The following STARD3NL variants were observed in gnomAD, a reference collection of about 807,000 sequenced individuals.
STARD3NL encodes the protein STARD3 N-terminal like, also known as STARD3 N-terminal-like protein.
In STARD3NL, 17 loss-of-function variants were observed where a neutral mutation model predicts 30.9. The ratio of observed to expected loss-of-function variants is 0.55; its 90% CI spans 0.38 to 0.82. The LOEUF is 0.82. Among genes scored for constraint, STARD3NL ranks in the 40% least tolerant of loss-of-function variants. STARD3NL has a pLI of 0.00. For synonymous variants in STARD3NL, 112 were observed against 100.5 expected (o/e 1.11, Z -0.69); for missense variants, 234 against 277.6 (o/e 0.84, Z 1.12).
chr7:38,224,770 A>G (rs928614708), intron 7 of STARD3NL, among the ~76,000 whole-genome samples: 3 of 152,238 alleles, frequency 2.0e-5, no homozygotes, highest in Admixed American at 6.5e-5. Flanking sequence ...ATATATGCCA[A>G]AGAGAAACCA....
intron 7 of STARD3NL, among the ~76,000 whole-genome samples, chr7:38,221,286 CACTCATTT>C (rs1305171281): frequency 1.3e-5 from 2 of 152,138 alleles, no homozygotes; most frequent in African/African-American, 4.8e-5. Flanking sequence ...TATTAATATT[CACTCATTT>C]ACTCCTCCCT....
At chr7:38,192,528 G>A (rs889066783) in intron 1 of STARD3NL, among the ~76,000 whole-genome samples, 2 of 152,116 alleles carry the variant, frequency 1.3e-5, no homozygotes, top group Admixed American at 1.3e-4. Context: ...TGCAAGCAGA[G>A]GTTTGTGAGA....
At chr7:38,180,259 G>T (rs1463304744) in intron 1 of STARD3NL, among the ~76,000 whole-genome samples, 1 of 152,194 alleles carries the variant, frequency 6.6e-6, no homozygotes, top group Non-Finnish European at 1.5e-5. Context: ...CACCTTATCC[G>T]ATGTAGTTTG....
chr7:38,215,194 GT>G, intron 4 of STARD3NL, 89 bp downstream of exon 4: 3 of 1,259,552 alleles, frequency 2.4e-6, no homozygotes, highest in Admixed American at 1.9e-5. Flanking sequence ...AGAAGATACA[GT>G]TCTAATGCAG....
chr7:38,185,838 A>G (rs1784436845), intron 1 of STARD3NL, among the ~76,000 whole-genome samples: 1 of 152,210 alleles, frequency 6.6e-6, no homozygotes, highest in East Asian at 1.9e-4. Flanking sequence ...AAGGATAGTT[A>G]CTAAAAGAAG....
At chr7:38,189,698 A>G (rs981332388) in intron 1 of STARD3NL, among the ~76,000 whole-genome samples, 4 of 152,242 alleles carry the variant, frequency 2.6e-5, no homozygotes, top group Non-Finnish European at 4.4e-5. Context: ...TGCAAATAGA[A>G]TGACTTCTAT....
At chr7:38,218,146 C>T (rs1036173052) in intron 6 of STARD3NL, among the ~76,000 whole-genome samples, 2 of 152,192 alleles carry the variant, frequency 1.3e-5, no homozygotes, top group Non-Finnish European at 2.9e-5. Context: ...AAGCTCATTT[C>T]AGACACCCAT....
intron 1 of STARD3NL, among the ~76,000 whole-genome samples, chr7:38,184,063 T>C (rs138932671): frequency 2.8e-4 from 43 of 152,298 alleles, no homozygotes; most frequent in Admixed American, 2.0e-3. Flanking sequence ...GTTTTCAGTA[T>C]AGTACTGAGA....
intron 2 of STARD3NL, 62 bp from the exon 3 acceptor site, chr7:38,214,295 T>C (rs1785975855): frequency 9.3e-7 from 1 of 1,080,958 alleles, no homozygotes; most frequent in African/African-American, 1.6e-5. Flanking sequence ...TAGGAAATCT[T>C]ACCTTGTTTT....
At chr7:38,191,870 C>T (rs1039381972) in intron 1 of STARD3NL, among the ~76,000 whole-genome samples, 24 of 151,216 alleles carry the variant, frequency 1.6e-4, no homozygotes, top group African/African-American at 5.4e-4. Context: ...TATTTCTTTG[C>T]ATTTTGTATA....
intron 1 of STARD3NL, among the ~76,000 whole-genome samples, chr7:38,188,357 T>C (rs1442243941): frequency 6.6e-6 from 1 of 152,158 alleles, no homozygotes; most frequent in Non-Finnish European, 1.5e-5. Flanking sequence ...GCAGTACCCT[T>C]CCTCCTTGTA....
intron 2 of STARD3NL, among the ~76,000 whole-genome samples, chr7:38,212,191 A>C (rs924271679): frequency 6.6e-6 from 1 of 152,112 alleles, no homozygotes; most frequent in Non-Finnish European, 1.5e-5. Context: ...ATAAAATCCA[A>C]ATGTCGTACT....
chr7:38,216,872 A>T, intron 4 of STARD3NL, 153 bp from the exon 5 acceptor site: 1 of 794,900 alleles, frequency 1.3e-6, no homozygotes, highest in East Asian at 2.6e-5. Flanking sequence ...GGTCTAGGGG[A>T]GAGAGACTGA....
At position 38,217,097 on chromosome 7, in the gene STARD3NL, TC is replaced by T. The variant is rs1465342133; in HGVS notation, c.435+20del. 2 of 1,613,978 alleles carry T rather than the reference TC, an allele frequency of 1.2e-6. No homozygotes were observed. Among genetic ancestry groups the T allele is most frequent in the Non-Finnish European group, 1.7e-6 (2 of 1,179,970 alleles). ...TTCGAAGGTATGGCCTACCACTTTT[TC>T]TATACAGTTACCATCTTCAGTGATG... On this transcript the variant is annotated intron_variant, in intron 5 of 8. Transcript: ENST00000009041.
At chr7:38,218,930 C>G (rs1786286642) in intron 6 of STARD3NL, among the ~76,000 whole-genome samples, 1 of 152,208 alleles carries the variant, frequency 6.6e-6, no homozygotes, top group African/African-American at 2.4e-5. Context: ...TCTGGCATCT[C>G]TCTAACCAGA....
intron 6 of STARD3NL, among the ~76,000 whole-genome samples, chr7:38,218,490 A>G (rs920124908): frequency 1.3e-5 from 2 of 152,238 alleles, no homozygotes; most frequent in African/African-American, 4.8e-5. Context: ...TTAATTGTAT[A>G]TAAATATAAA....
intron 6 of STARD3NL, 86 bp downstream of exon 6, chr7:38,217,391 C>A: frequency 7.9e-7 from 1 of 1,267,532 alleles, no homozygotes; most frequent in Admixed American, 1.8e-5. Context: ...GTGAATGGGG[C>A]TGCAAATGGG....
intron 7 of STARD3NL, among the ~76,000 whole-genome samples, chr7:38,221,670 T>TTG (rs1562625274): frequency 6.6e-6 from 1 of 152,218 alleles, no homozygotes; most frequent in African/African-American, 2.4e-5. Context: ...AAATATAGAC[T>TTG]TGGTCATGCC....
At position 38,219,553 on chromosome 7, in the gene STARD3NL, C is replaced by T; in HGVS notation, c.554-12C>T. On this transcript the variant is annotated splice_polypyrimidine_tract_variant and intron_variant, in intron 6 of 8. Transcript: ENST00000009041. ...GACCTCATTCCCAACATCTGAATTT[C>T]TTCTCTTCCAGGACTCCTGATAGTT... is the stretch of plus-strand genomic sequence containing the variant. 2 of 1,575,786 alleles carry T rather than the reference C, an allele frequency of 1.3e-6. No individual in the cohort carries two copies. The highest frequency in any genetic ancestry group is 1.7e-6 in the Non-Finnish European group (2 of 1,151,228).
Sources: allele counts gnomAD v4.1 joint callset (sites outside exome capture counted in the v4.1 genomes callset), GRCh38; gene constraint gnomAD v4.1.1; transcripts MANE v1.5; gene names NCBI Gene and HGNC (gene_info 2026-07-23, HGNC 2026-07-21).